DOCK5: variants seen among roughly 807,000 people sequenced by gnomAD.
DOCK5 encodes dedicator of cytokinesis protein 5.
Under a neutral mutation model 251.8 loss-of-function variants are expected in DOCK5, and 142 were observed. The observed-to-expected ratio is 0.56, with a 90% CI of 0.49 to 0.65. The LOEUF (loss-of-function observed/expected upper bound fraction) is 0.65, where lower values mean the gene tolerates loss of function less well. DOCK5 is among the 30% of genes least tolerant of loss of function. DOCK5 has a pLI of 0.00. For missense variants in DOCK5, 2,111 were observed against 2,312.3 expected, an observed-to-expected ratio of 0.91 and a Z score of 1.79; for synonymous variants, 842 against 835.5, an observed-to-expected ratio of 1.01 and a Z score of -0.13.
At chr8:25,193,267 T>G (rs1801631788) in intron 1 of DOCK5, among the ~76,000 whole-genome samples, 1 of 152,192 alleles carries the variant, frequency 6.6e-6, no homozygotes, top group African/African-American at 2.4e-5. Flanking sequence ...GTTACCTTAT[T>G]TAACATATAT....
chr8:25,400,970 ACT>A lies in DOCK5; in HGVS notation c.4832_4833del (p.Leu1611HisfsTer9), dbSNP rs775183555. On this transcript the variant is annotated frameshift_variant, in exon 47 of 52. Coordinates refer to ENST00000276440, the MANE Select transcript of DOCK5 (RefSeq NM_024940.8). LOFTEE classifies it high-confidence loss of function. ...TEGIRIHGEK[L>X]TEQLKPLHER... ...AAGGGATCCGCATCCATGGGGAGAA[ACT>A]CACAGAGCAGCTGAAGCCGCTGCAT... is the stretch of plus-strand genomic sequence containing the variant. 1.2e-6 allele frequency: 2 copies of A among 1,613,882 alleles called. No homozygotes were observed. Among genetic ancestry groups the A allele is most frequent in the Admixed American group, 1.7e-5 (1 of 59,996 alleles).
At chr8:25,296,407 C>A in intron 6 of DOCK5, 106 bp from the exon 7 acceptor site, 1 of 1,415,790 alleles carries the variant, frequency 7.1e-7, no homozygotes, top group Non-Finnish European at 9.5e-7. Context: ...GCTTGTCCAG[C>A]ATCTCCCTTT....
chr8:25,318,754 G>C (rs753611043), intron 14 of DOCK5, among the ~76,000 whole-genome samples: 5 of 151,808 alleles, frequency 3.3e-5, no homozygotes. Flanking sequence ...ACCTCTTCTC[G>C]TATGAGCCGT....
At position 25,256,213 on chromosome 8, in the gene DOCK5, C is replaced by T. The variant is rs185170101; in HGVS notation, c.127+12456C>T. Among the ~76,000 whole-genome samples the T allele has an allele frequency of 1.2e-4, 18 of 152,320 alleles. No homozygotes were observed. In the East Asian group the frequency reaches 3.3e-3, roughly 28 times the overall value. ...ATTAGATATGTGTGTGTGTGTTTAA[C>T]TTTTCCAATAGGAATATAGGATTTT... On this transcript the variant is annotated intron_variant, in intron 2 of 51. Coordinates refer to ENST00000276440, the MANE Select transcript of DOCK5 (RefSeq NM_024940.8).
chr8:25,308,846 C>G lies in DOCK5; in HGVS notation c.1113C>G (p.His371Gln). The G allele has an allele frequency of 6.2e-7, 1 of 1,613,876 alleles. No individual in the cohort carries two copies. Residue 371 changes from histidine (H) to glutamine (Q), a missense_variant, in exon 12 of 52, where the codon CAC becomes CAG. Physicochemically the swap from His to Gln is conservative, Grantham distance 24. This residue lies in a region of DOCK5 where 1,717 missense variants were observed against 1,892.4 expected (regional missense o/e 0.91). Transcript: ENST00000276440. ...QLIMSPLITS[H>Q]VIGENEPLTS... The stretch of plus-strand genomic sequence containing the variant: ...TCATGTCGCCTTTGATAACATCACA[C>G]GTGATTGGGGAGAATGAGCCACTCA...
chr8:25,222,731 C>T (rs1336939458), intron 1 of DOCK5, among the ~76,000 whole-genome samples: 1 of 152,220 alleles, frequency 6.6e-6, no homozygotes, highest in African/African-American at 2.4e-5. Context: ...TGTGTGTCCT[C>T]ATCTTCCGCA....
chr8:25,268,275 C>T (rs1208138299), intron 2 of DOCK5, among the ~76,000 whole-genome samples: 2 of 151,982 alleles, frequency 1.3e-5, no homozygotes, highest in Non-Finnish European at 2.9e-5. Flanking sequence ...AAGAATTGCA[C>T]GTAATTTTGT....
intron 1 of DOCK5, among the ~76,000 whole-genome samples, chr8:25,198,106 T>C (rs923172797): frequency 3.3e-5 from 5 of 152,198 alleles, no homozygotes; most frequent in Admixed American, 2.6e-4. Context: ...TAATTCCCTC[T>C]TGAAAATAAC....
chr8:25,184,859 A>C lies in DOCK5; in HGVS notation c.-50A>C. 7.7e-7 allele frequency: 1 copy of C among 1,297,086 alleles called. No individual in the cohort carries two copies. The highest frequency in any genetic ancestry group is 9.8e-7 in the Non-Finnish European group (1 of 1,016,500). 80.3% of individuals were successfully genotyped at this position (1,297,086 alleles called of 1,614,324 possible). Reference sequence around the variant, plus strand: ...GCGGGGCGGCGGCGGCCGGAGCCCGAGGAGCTGTAGCAGCCTTAGTCGCCG... The same window carrying C: ...GCGGGGCGGCGGCGGCCGGAGCCCGCGGAGCTGTAGCAGCCTTAGTCGCCG... On this transcript the variant is annotated 5_prime_UTR_variant, in exon 1 of 52. Transcript: ENST00000276440.
At chr8:25,334,035 C>A in intron 20 of DOCK5, 61 bp from the exon 21 acceptor site, 2 of 1,310,248 alleles carry the variant, frequency 1.5e-6, no homozygotes, top group Non-Finnish European at 2.2e-6. Flanking sequence ...TAAAATGCGG[C>A]TTGTTGACAG....
intron 5 of DOCK5, among the ~76,000 whole-genome samples, chr8:25,281,889 G>GAAAAAAAAAAAAAAAAAAAAAA (rs57465549): frequency 7.9e-6 from 1 of 127,134 alleles, no homozygotes; most frequent in Non-Finnish European, 1.6e-5. Context: ...AAAAAAAAAA[G>GAAAAAAAAAAAAAAAAAAAAAA]AAAAAAAAAA....
intron 3 of DOCK5, among the ~76,000 whole-genome samples, chr8:25,273,939 C>T (rs1038477982): frequency 1.3e-5 from 2 of 152,080 alleles, no homozygotes; most frequent in African/African-American, 4.8e-5. Context: ...ACTCATATTC[C>T]CCACGCCTGC....
In DOCK5 at chr8:25,372,166, G is replaced by T. The variant is rs374307180; in HGVS notation, c.3525-393G>T. ...GGGAGAATAAAGACATAGGAAAAAT[G>T]GTCTCATACAACTAATTAGAGTCCT... On this transcript the variant is annotated intron_variant, in intron 34 of 51. Transcript: ENST00000276440. Among the ~76,000 whole-genome samples, 9 of 152,304 alleles carry T rather than the reference G, an allele frequency of 5.9e-5. No individual in the cohort carries two copies. In the South Asian group the frequency reaches 8.3e-4, roughly 14 times the overall value.
intron 3 of DOCK5, among the ~76,000 whole-genome samples, chr8:25,269,092 A>G (rs546070704): frequency 4.6e-5 from 7 of 152,324 alleles, no homozygotes; most frequent in African/African-American, 1.4e-4. Context: ...ATTTCCTACC[A>G]GCCAATTCAA....
chr8:25,362,698 A>G (rs1487895630), intron 28 of DOCK5, among the ~76,000 whole-genome samples: 1 of 151,602 alleles, frequency 6.6e-6, no homozygotes, highest in African/African-American at 2.4e-5. Context: ...TCGGCCTCCC[A>G]AAGTGCTGAG....
At chr8:25,321,177 A>G in intron 16 of DOCK5, 125 bp downstream of exon 16, 1 of 782,892 alleles carries the variant, frequency 1.3e-6, no homozygotes, top group Non-Finnish European at 2.1e-6. Flanking sequence ...GTATTTTGTA[A>G]CTCACTGGTG....
At chr8:25,230,905 G>C (rs897819204) in intron 1 of DOCK5, among the ~76,000 whole-genome samples, 1 of 151,994 alleles carries the variant, frequency 6.6e-6, no homozygotes, top group Non-Finnish European at 1.5e-5. Context: ...GTATGAAGAA[G>C]AACAGTAGCA....
chr8:25,278,371 C>G (rs1174724162), intron 4 of DOCK5, among the ~76,000 whole-genome samples, 198 bp from the exon 5 acceptor site: 1 of 152,132 alleles, frequency 6.6e-6, no homozygotes, highest in African/African-American at 2.4e-5. Flanking sequence ...GGAACGGAGC[C>G]CATTTTGAGG....
chr8:25,204,367 A>G (rs992608578), intron 1 of DOCK5, among the ~76,000 whole-genome samples: 2 of 152,162 alleles, frequency 1.3e-5, no homozygotes, highest in African/African-American at 4.8e-5. Context: ...TTTGTATTTC[A>G]GTCTCTGTTA....
Sources: allele counts gnomAD v4.1 joint callset (sites outside exome capture counted in the v4.1 genomes callset), GRCh38; gene constraint gnomAD v4.1.1; regional missense constraint gnomAD v4.1.1; transcripts MANE v1.5; gene names NCBI Gene and HGNC (gene_info 2026-07-23, HGNC 2026-07-21).